Variants in SLC25A48 observed in about 807,000 individuals in gnomAD.
SLC25A48 encodes solute carrier family 25 member 48.
In SLC25A48, 29 loss-of-function variants were observed where a neutral mutation model predicts 32.2. That is an observed-to-expected ratio of 0.90 (90% CI 0.67 to 1.23). The LOEUF (loss-of-function observed/expected upper bound fraction) is 1.23, where lower values mean the gene tolerates loss of function less well. Among genes scored for constraint, SLC25A48 ranks in the 50% most tolerant of loss-of-function variants. The pLI is 0.00. For synonymous variants in SLC25A48, 164 were observed against 172.3 expected (o/e 0.95, Z 0.38); for missense variants, 399 against 422.7 (o/e 0.94, Z 0.49).
At chr5:135,823,706 TATGAGGGTGGTGGC>T (rs1258643604) in intron 4 of SLC25A48, among the ~76,000 whole-genome samples, 90 of 151,902 alleles carry the variant, frequency 5.9e-4, no homozygotes, top group African/African-American at 2.1e-3. Flanking sequence ...GAATGAGGGG[TATGAGGGTGGTGGC>T]AGTCATGAAG....
intron 3 of SLC25A48, among the ~76,000 whole-genome samples, chr5:135,789,914 A>G (rs1052749761): frequency 1.3e-5 from 2 of 152,002 alleles, no homozygotes; most frequent in African/African-American, 2.4e-5. Flanking sequence ...ATCTCCCTAC[A>G]ATATTACAAA....
chr5:135,876,318 T>C (rs1762053956), intron 6 of SLC25A48: 1 of 152,100 alleles, frequency 6.6e-6, no homozygotes, highest in African/African-American at 2.4e-5. Flanking sequence ...AATATATTGC[T>C]GATATTATTT....
chr5:135,772,149 T>G (rs932328503), intron 3 of SLC25A48, among the ~76,000 whole-genome samples: 6 of 151,490 alleles, frequency 4.0e-5, no homozygotes, highest in Non-Finnish European at 7.4e-5. Flanking sequence ...TCACAGGGTG[T>G]GTAAACTCGC....
rs560378437 is a variant in SLC25A48, at chr5:135,874,660, A to T, written c.813+506A>T. 4.4e-5 allele frequency: 31 copies of T among 700,814 alleles called. No individual in the cohort carries two copies. The East Asian group carries it at 7.8e-4, about 18-fold the overall frequency. 43.4% of individuals were successfully genotyped at this position (700,814 alleles called of 1,614,324 possible). A position where few individuals can be genotyped will look rare whatever the true frequency, so the allele number is the denominator to read the frequency against. ...GACCCCAGACCTCTGGTCGTGGCTG[A>T]GGAGGCAGCCTCCAACACGTTTCCC... On this transcript the variant is annotated intron_variant, in intron 6 of 7. Coordinates refer to ENST00000681962, the MANE Select transcript of SLC25A48 (RefSeq NM_001349336.2).
chr5:135,675,531 T>C (rs1348472394), intron 3 of SLC25A48, among the ~76,000 whole-genome samples: 1 of 152,128 alleles, frequency 6.6e-6, no homozygotes, highest in Non-Finnish European at 1.5e-5. Flanking sequence ...GACTTATTCC[T>C]GGATTCTCAA....
intron 1 of SLC25A48, among the ~76,000 whole-genome samples, chr5:135,620,779 C>T (rs549225411): frequency 9.9e-5 from 15 of 152,242 alleles, no homozygotes; most frequent in African/African-American, 3.6e-4. Context: ...TGTGAGCTCC[C>T]TCTCTAGAGC....
At chr5:135,843,228 C>G (rs1289206850) in intron 2 of SLC25A48, among the ~76,000 whole-genome samples, 1 of 152,156 alleles carries the variant, frequency 6.6e-6, no homozygotes, top group Non-Finnish European at 1.5e-5. Flanking sequence ...CAGGCAGGAC[C>G]CAGTGCTGGG....
intron 3 of SLC25A48, among the ~76,000 whole-genome samples, chr5:135,765,304 A>G (rs1756182412): frequency 6.7e-6 from 1 of 150,136 alleles, no homozygotes. Flanking sequence ...TAAGAGGGTA[A>G]TGTTACTTTC....
intron 1 of SLC25A48, among the ~76,000 whole-genome samples, chr5:135,580,088 C>T (rs1751199050): frequency 6.6e-6 from 1 of 152,188 alleles, no homozygotes; most frequent in African/African-American, 2.4e-5. Flanking sequence ...TTGATTCTTA[C>T]CAATTGGTAC....
At chr5:135,674,744 G>T (rs7715992) in intron 3 of SLC25A48, among the ~76,000 whole-genome samples, 123,386 of 151,970 alleles carry the variant, frequency 0.81, 50,334 homozygotes, top group Middle Eastern at 0.9. Flanking sequence ...ATTTGTCTGT[G>T]GATGGACATT....
chr5:135,822,944 C>G (rs1757929794), intron 4 of SLC25A48, among the ~76,000 whole-genome samples: 1 of 152,102 alleles, frequency 6.6e-6, no homozygotes, highest in Non-Finnish European at 1.5e-5. Context: ...AAAGATGGCC[C>G]TGAGCTGGGT....
At chr5:135,764,390 G>A (rs1455686388) in intron 3 of SLC25A48, among the ~76,000 whole-genome samples, 1 of 151,714 alleles carries the variant, frequency 6.6e-6, no homozygotes, top group Admixed American at 6.6e-5. Context: ...TATTGCAAAG[G>A]GTGTACAGCC....
chr5:135,791,490 A>C (rs937249149), intron 3 of SLC25A48, among the ~76,000 whole-genome samples: 3 of 151,534 alleles, frequency 2.0e-5, no homozygotes, highest in Non-Finnish European at 4.4e-5. Context: ...TCCTAGGGAG[A>C]TGTTACTCCT....
intron 4 of SLC25A48, among the ~76,000 whole-genome samples, chr5:135,817,965 C>G (rs764058615): frequency 2.0e-5 from 3 of 151,606 alleles, no homozygotes; most frequent in Non-Finnish European, 4.4e-5. Flanking sequence ...AAAAAGTAAA[C>G]AAAAACATTG....
intron 2 of SLC25A48, among the ~76,000 whole-genome samples, chr5:135,844,916 G>T (rs375475818): frequency 1.3e-5 from 2 of 152,302 alleles, no homozygotes; most frequent in East Asian, 1.9e-4. Context: ...AAGGGCTGTT[G>T]TTTCTGTAAA....
chr5:135,707,787 C>T (rs1257080367), intron 3 of SLC25A48, among the ~76,000 whole-genome samples: 1 of 152,180 alleles, frequency 6.6e-6, no homozygotes, highest in Non-Finnish European at 1.5e-5. Flanking sequence ...TTCTTTTGTT[C>T]ATGTGTTGAT....
chr5:135,817,323 G>A (rs1757746909), intron 4 of SLC25A48, among the ~76,000 whole-genome samples: 1 of 152,200 alleles, frequency 6.6e-6, no homozygotes, highest in African/African-American at 2.4e-5. Flanking sequence ...CTGAGAAACT[G>A]TGATCCACAA....
intron 3 of SLC25A48, among the ~76,000 whole-genome samples, chr5:135,790,631 A>G (rs1437219613): frequency 6.6e-6 from 1 of 151,242 alleles, no homozygotes; most frequent in Admixed American, 6.6e-5. Context: ...GTTACATTTA[A>G]TGTCACAGTG....
At chr5:135,677,958 C>T (rs184788177) in intron 3 of SLC25A48, among the ~76,000 whole-genome samples, 1 of 152,116 alleles carries the variant, frequency 6.6e-6, no homozygotes, top group Admixed American at 6.5e-5. Flanking sequence ...TTCTCTTTGT[C>T]ATTGACTTTA....
Sources: allele counts gnomAD v4.1 joint callset (sites outside exome capture counted in the v4.1 genomes callset), GRCh38; gene constraint gnomAD v4.1.1; transcripts MANE v1.5; gene names NCBI Gene and HGNC (gene_info 2026-07-23, HGNC 2026-07-21).